The following PLIN1 variants were observed in gnomAD, a reference collection of about 807,000 sequenced individuals.
The protein encoded by PLIN1 is perilipin-1.
Under a neutral mutation model 45.8 loss-of-function variants are expected in PLIN1, and 37 were observed. The ratio of observed to expected loss-of-function variants is 0.81; its 90% CI spans 0.62 to 1.06. The LOEUF is 1.06. PLIN1 is among the 50% of genes least tolerant of loss of function. The pLI, the probability that PLIN1 is intolerant of heterozygous loss-of-function variation, is 0.00. For synonymous variants in PLIN1, 340 were observed against 309.2 expected (o/e 1.10, Z -1.05); for missense variants, 776 against 716.5 (o/e 1.08, Z -0.95).
intron 4 of PLIN1, among the ~76,000 whole-genome samples, chr15:89,670,837 C>G (rs1315419642): frequency 6.6e-6 from 1 of 152,052 alleles, no homozygotes; most frequent in Non-Finnish European, 1.5e-5. Context: ...GATAACAACC[C>G]CTATCCCAGA....
At chr15:89,670,336 C>A (rs1964422229) in intron 4 of PLIN1, 92 bp from the exon 5 acceptor site, 13 of 1,356,482 alleles carry the variant, frequency 9.6e-6, no homozygotes, top group Non-Finnish European at 1.3e-5. Flanking sequence ...GCCCAGCTCC[C>A]AGGAAGGCAT....
Position 89,670,151 on chromosome 15 carries a change from G to C in PLIN1, c.427C>G (p.Leu143Val), listed in dbSNP as rs1964417611. The change falls in exon 5 of 9, where the codon CTG becomes GTG. Residue 143 changes from leucine to valine, a missense_variant. Physicochemically the swap from Leu to Val is conservative, Grantham distance 32. Coordinates refer to ENST00000300055, the MANE Select transcript of PLIN1 (RefSeq NM_002666.5). The part of the protein sequence containing the change: ...VPIASTSDKV[L>V]GAALAGCELA... ...TCGCACCCGGCCAAAGCGGCCCCCAGGACCTTGTCTGAAGTGCTCGCGATG... is the reference window on the plus strand; with the variant it reads ...TCGCACCCGGCCAAAGCGGCCCCCACGACCTTGTCTGAAGTGCTCGCGATG... 2 of 1,614,044 alleles carry C rather than the reference G, an allele frequency of 1.2e-6. No homozygotes were observed. The highest frequency in any genetic ancestry group is 2.7e-5 in the African/African-American group (2 of 74,938).
At chr15:89,675,122 C>CAA (rs1236568934) in intron 2 of PLIN1, among the ~76,000 whole-genome samples, 1 of 151,870 alleles carries the variant, frequency 6.6e-6, no homozygotes. Flanking sequence ...TCTCAAAAAA[C>CAA]AAAAAACAAA....
At position 89,664,928 on chromosome 15, in the gene PLIN1, CTG is replaced by C; in HGVS notation, c.*653_*654del. ...AGTAATGATGCAAATGGAAATGTGG[CTG>C]TGAGCAAGCAGCTGGCTCTACAAAG... On this transcript the variant is annotated 3_prime_UTR_variant, in exon 9 of 9. Coordinates refer to ENST00000300055, the MANE Select transcript of PLIN1 (RefSeq NM_002666.5). 1 of 456,064 alleles carries C rather than the reference CTG, an allele frequency of 2.2e-6. No individual in the cohort carries two copies. Among genetic ancestry groups the C allele is most frequent in the South Asian group, 1.5e-5 (1 of 64,562 alleles). 28.3% of individuals were successfully genotyped at this position (456,064 alleles called of 1,614,324 possible). A position where few individuals can be genotyped will look rare whatever the true frequency, so the allele number is the denominator to read the frequency against.
At chr15:89,675,597 A>C (rs563584051) in intron 2 of PLIN1, among the ~76,000 whole-genome samples, 1 of 152,016 alleles carries the variant, frequency 6.6e-6, no homozygotes, top group African/African-American at 2.4e-5. Context: ...ACAGAGCAAG[A>C]CTCTATATCT....
chr15:89,673,378 G>T lies in PLIN1; in HGVS notation c.82C>A (p.Pro28Thr), dbSNP rs1036987443. ...ENVLQRVLQL[P>T]VVSGTCECFQ... Reference sequence around the variant, plus strand: ...CATTCGCAGGTGCCACTCACCACCGGCAGCTGCAGGACCCGCTGCAGCACA... The same window carrying T: ...CATTCGCAGGTGCCACTCACCACCGTCAGCTGCAGGACCCGCTGCAGCACA... Residue 28 changes from proline (P) to threonine (T), a missense_variant, in exon 3 of 9, where the codon CCG (proline) becomes ACG (threonine). Physicochemically the swap from Pro to Thr is conservative, Grantham distance 38. Transcript: ENST00000300055. 6.2e-7 allele frequency: 1 copy of T among 1,604,602 alleles called. No homozygotes were observed. The highest frequency in any genetic ancestry group is 8.5e-7 in the Non-Finnish European group (1 of 1,175,432).
intron 3 of PLIN1, 67 bp downstream of exon 3, chr15:89,673,143 G>T: frequency 8.3e-7 from 1 of 1,199,036 alleles, no homozygotes. Context: ...AGACTGAGAG[G>T]CGGACAGACA....
At position 89,676,455 on chromosome 15, in the gene PLIN1, G is replaced by A. The variant is rs373043489; in HGVS notation, c.45+990C>T. On this transcript the variant is annotated intron_variant, in intron 2 of 8. Coordinates refer to ENST00000300055, the MANE Select transcript of PLIN1 (RefSeq NM_002666.5). ...GTAGAGATGGGGTTTCACTGTGTTA[G>A]CCAGGATGGTCTTGATCTCCTGACC... Among the ~76,000 whole-genome samples the A allele has an allele frequency of 1.4e-4, 22 of 152,212 alleles. No homozygotes were observed. The Middle Eastern group carries it at 0.01, about 71-fold the overall frequency.
chr15:89,673,177 A>G, intron 3 of PLIN1, 33 bp downstream of exon 3: 1 of 1,481,672 alleles, frequency 6.7e-7, no homozygotes, highest in Non-Finnish European at 9.2e-7. Flanking sequence ...GCAGTGAACA[A>G]GCAGGCAGCT....
chr15:89,674,942 A>T (rs1158635137), intron 2 of PLIN1, among the ~76,000 whole-genome samples: 4 of 152,102 alleles, frequency 2.6e-5, no homozygotes, highest in East Asian at 1.9e-4. Flanking sequence ...TCTACAAAAA[A>T]AAATAATAAA....
Position 89,667,586 on chromosome 15 carries a change from CCA to C in PLIN1, c.963+14_963+15del. 6.2e-7 allele frequency: 1 copy of C among 1,614,032 alleles called. No individual in the cohort carries two copies. Among genetic ancestry groups the C allele is most frequent in the Non-Finnish European group, 8.5e-7 (1 of 1,179,886 alleles). ...TGTGGGCTGGGGGACCTTGAGGCTC[CCA>C]CTCTCCCCCTCACCTCACTGAACTT... On this transcript the variant is annotated intron_variant, in intron 7 of 8. Coordinates refer to ENST00000300055, the MANE Select transcript of PLIN1 (RefSeq NM_002666.5).
Position 89,673,295 on chromosome 15 carries a change from G to A in PLIN1, c.165C>T (p.Cys55=). 1 of 1,586,274 alleles carries A rather than the reference G, an allele frequency of 6.3e-7. No individual in the cohort carries two copies. ...KEAHPLVASV[C]NAYEKGVQSA... is the part of the protein sequence containing the mutation. ...TCTGCACGCCCTTCTCATAGGCATT[G>A]CACACAGAGGCCACCAGGGGGTGGG... The change falls in exon 3 of 9, where the codon TGC becomes TGT. Residue 55 remains cysteine (C), a synonymous_variant. Transcript: ENST00000300055.
chr15:89,670,128 G>A lies in PLIN1; in HGVS notation c.450C>T (p.Cys150=), dbSNP rs778283935. 3.0e-5 allele frequency: 48 copies of A among 1,614,048 alleles called. No individual in the cohort carries two copies. Among genetic ancestry groups the A allele is most frequent in the Admixed American group, 2.3e-4 (14 of 60,006 alleles). ...CTCTGGCCACCCCCCAGGCAAGCTC[G>A]CACCCGGCCAAAGCGGCCCCCAGGA... ...DKVLGAALAG[C]ELAWGVARDT... Residue 150 remains cysteine (C), a synonymous_variant, in exon 5 of 9, where the codon TGC becomes TGT. Coordinates refer to ENST00000300055, the MANE Select transcript of PLIN1 (RefSeq NM_002666.5).
In PLIN1 at chr15:89,673,216, T is replaced by C. The variant is rs1964464867; in HGVS notation, c.244A>G (p.Thr82Ala). ...SMEPVVRRLS[T>A]QFTAANELAC... The stretch of plus-strand genomic sequence containing the variant: ...GAGCGCCGCAAGGACTCACACTGGG[T>C]GGACAGCCTGCGGACCACCGGCTCC... Residue 82 changes from threonine to alanine, a missense_variant, in exon 3 of 9, where the codon ACC becomes GCC. Thr to Ala is a moderately conservative substitution (Grantham distance 58, BLOSUM62 0). Transcript: ENST00000300055. The C allele has an allele frequency of 6.4e-7, 1 of 1,563,466 alleles. No individual in the cohort carries two copies. Among genetic ancestry groups the C allele is most frequent in the Non-Finnish European group, 8.7e-7 (1 of 1,153,500 alleles).
At chr15:89,668,146 T>C (rs1170036060) in intron 6 of PLIN1, among the ~76,000 whole-genome samples, 5 of 152,230 alleles carry the variant, frequency 3.3e-5, no homozygotes, top group Admixed American at 3.3e-4. Flanking sequence ...GTTTTGCCTA[T>C]TTTCGAACTT....
intron 2 of PLIN1, chr15:89,677,166 T>C (rs1964531612): frequency 3.9e-6 from 2 of 518,160 alleles, no homozygotes; most frequent in Admixed American, 3.2e-5. Context: ...TAAACAGTAG[T>C]TTCCTTCCTC....
At chr15:89,666,414 C>G (rs1009641963) in intron 8 of PLIN1, among the ~76,000 whole-genome samples, 2 of 152,186 alleles carry the variant, frequency 1.3e-5, no homozygotes, top group Admixed American at 1.3e-4. Context: ...CCAGCCCCGC[C>G]CCCCAGGCCT....
In PLIN1 at chr15:89,670,111, A is replaced by G. The variant is rs1193215412; in HGVS notation, c.467T>C (p.Val156Ala). ...AGCAAATTCCGCAGTGTCTCTGGCCACCCCCCAGGCAAGCTCGCACCCGGC... is the reference window on the plus strand; with the variant it reads ...AGCAAATTCCGCAGTGTCTCTGGCCGCCCCCCAGGCAAGCTCGCACCCGGC... ...ALAGCELAWG[V>A]ARDTAEFAAN... The change falls in exon 5 of 9, where the codon GTG becomes GCG. Residue 156 changes from valine (V) to alanine (A), a missense_variant. By Grantham distance (64) the Val-to-Ala change is moderately conservative (BLOSUM62 0). Transcript: ENST00000300055. 1 of 1,613,852 alleles carries G rather than the reference A, an allele frequency of 6.2e-7. No individual in the cohort carries two copies. Among genetic ancestry groups the G allele is most frequent in the Non-Finnish European group, 8.5e-7 (1 of 1,179,974 alleles).
chr15:89,665,680 T>C lies in PLIN1; in HGVS notation c.1472A>G (p.Lys491Arg). 2.0e-6 allele frequency: 3 copies of C among 1,484,586 alleles called. No homozygotes were observed. Among genetic ancestry groups the C allele is most frequent in the Non-Finnish European group, 2.7e-6 (3 of 1,121,270 alleles). The allele number at this position is 1,484,586 out of a possible 1,614,324, so 92.0% of individuals were successfully genotyped here. ...GCTGTCGCTGACCCTGCGCTTTGGC[T>C]TCTCGCGGGGCACGGCCGGGAAGCC... Reference protein sequence around the residue: ...RPGFPAVPREKPKRRVSDSFF... With the variant: ...RPGFPAVPRERPKRRVSDSFF... Residue 491 changes from lysine to arginine, a missense_variant, in exon 9 of 9, where the codon AAG becomes AGG. Coordinates refer to ENST00000300055, the MANE Select transcript of PLIN1 (RefSeq NM_002666.5).
Sources: allele counts gnomAD v4.1 joint callset (sites outside exome capture counted in the v4.1 genomes callset), GRCh38; gene constraint gnomAD v4.1.1; transcripts MANE v1.5; gene names NCBI Gene and HGNC (gene_info 2026-07-23, HGNC 2026-07-21).